The following WNK2 variants were observed in gnomAD, a reference collection of about 807,000 sequenced individuals.
WNK2 encodes the protein WNK lysine deficient protein kinase 2.
In WNK2, 67 loss-of-function variants were observed where a neutral mutation model predicts 192.1. That is an observed-to-expected ratio of 0.35 (90% CI 0.29 to 0.43). The LOEUF is 0.43. Ranked by LOEUF, WNK2 falls within the 20% of genes least tolerant of loss-of-function variation. The probability of loss-of-function intolerance (pLI) is 1.00; values close to 1 mark genes in which losing one functional copy is unlikely to be tolerated. For synonymous variants in WNK2, 1,439 were observed against 1,393.9 expected (o/e 1.03, Z -0.72); for missense variants, 2,698 against 3,089.7 (o/e 0.87, Z 3.01).
chr9:93,270,158 A>C (rs550409098), intron 19 of WNK2, among the ~76,000 whole-genome samples: 4 of 152,244 alleles, frequency 2.6e-5, no homozygotes, highest in African/African-American at 9.6e-5. Flanking sequence ...GCTGTACTGG[A>C]GAAGGAAGGA....
intron 2 of WNK2, among the ~76,000 whole-genome samples, chr9:93,188,689 T>C (rs1218330116): frequency 6.6e-6 from 1 of 152,210 alleles, no homozygotes. Flanking sequence ...ACCCCTGTAC[T>C]GTCAGACAGG....
At chr9:93,233,092 G>T (rs1264592225) in intron 4 of WNK2, among the ~76,000 whole-genome samples, 2 of 151,872 alleles carry the variant, frequency 1.3e-5, no homozygotes, top group African/African-American at 4.8e-5. Context: ...CAGCTACTTG[G>T]GAGGCTGAGG....
At chr9:93,240,553 T>G (rs1188514857) in intron 7 of WNK2, among the ~76,000 whole-genome samples, 2 of 151,878 alleles carry the variant, frequency 1.3e-5, no homozygotes, top group Non-Finnish European at 2.9e-5. Context: ...TGTGCTGGGG[T>G]GTCATCGAGG....
At chr9:93,252,145 G>A (rs1415356431) in intron 8 of WNK2, among the ~76,000 whole-genome samples, 1 of 152,178 alleles carries the variant, frequency 6.6e-6, no homozygotes, top group Non-Finnish European at 1.5e-5. Flanking sequence ...CCCCTCTGCT[G>A]GCATGACCCC....
chr9:93,294,846 T>C (rs1849978785), intron 23 of WNK2, among the ~76,000 whole-genome samples: 2 of 151,504 alleles, frequency 1.3e-5, no homozygotes, highest in Admixed American at 6.6e-5. Flanking sequence ...GAACAGGAAG[T>C]GGATGCTGGG....
In WNK2 at chr9:93,229,727, G is replaced by A. The variant is rs1838412526; in HGVS notation, c.713G>A (p.Arg238Gln). 2.5e-6 allele frequency: 4 copies of A among 1,613,328 alleles called. No individual in the cohort carries two copies. Among genetic ancestry groups the A allele is most frequent in the African/African-American group, 1.3e-5 (1 of 74,912 alleles). The change falls in exon 3 of 30, where the codon CGG becomes CAG. Residue 238 changes from arginine (R) to glutamine (Q), a missense_variant. Physicochemically the swap from Arg to Gln is conservative, Grantham distance 43. Coordinates refer to ENST00000427277, the MANE Select transcript of WNK2 (RefSeq NM_006648.4). This position sits in a 1 kb window ranked among gnomAD's most constrained non-coding sequence, Gnocchi z 4.9. ...DRKLTKLERQ[R>Q]FKEEAEMLKG... ...AAGCTCACCAAGCTGGAGCGGCAGC[G>A]GTTCAAGGAAGAGGCTGAGATGCTG... is the stretch of plus-strand genomic sequence containing the variant.
In WNK2 at chr9:93,185,123, C is replaced by T; in HGVS notation, c.194C>T (p.Pro65Leu). 6 of 1,302,916 alleles carry T rather than the reference C, an allele frequency of 4.6e-6. No homozygotes were observed. Among genetic ancestry groups the T allele is most frequent in the Non-Finnish European group, 5.9e-6 (6 of 1,020,204 alleles). The allele number at this position is 1,302,916 out of a possible 1,614,324, so 80.7% of individuals were successfully genotyped here. A position where few individuals can be genotyped will look rare whatever the true frequency, so the allele number is the denominator to read the frequency against. ...PGLEAAEAPG[P>L]QPPQPLQRRV... is the part of the protein sequence containing the mutation. ...TTGGAGGCAGCCGAGGCGCCGGGCC[C>T]GCAGCCCCCGCAGCCCCTGCAGCGC... The change falls in exon 2 of 30, where the codon CCG (proline) becomes CTG (leucine). Residue 65 changes from proline to leucine, a missense_variant. Physicochemically the swap from Pro to Leu is moderately conservative, Grantham distance 98. Transcript: ENST00000427277.
intron 25 of WNK2, 95 bp downstream of exon 25, chr9:93,299,356 C>T: frequency 7.7e-7 from 1 of 1,303,312 alleles, no homozygotes; most frequent in African/African-American, 1.5e-5. Flanking sequence ...AGAGGGGTTG[C>T]AAGCTGTGGC....
intron 19 of WNK2, among the ~76,000 whole-genome samples, chr9:93,278,173 C>T (rs1363543896): frequency 6.6e-6 from 1 of 152,046 alleles, no homozygotes; most frequent in East Asian, 1.9e-4. Context: ...AAGGAAGAGC[C>T]CAGGCAGAGC....
chr9:93,185,765 A>C (rs2398818), intron 2 of WNK2, among the ~76,000 whole-genome samples, 155 bp downstream of exon 2: 1 of 152,190 alleles, frequency 6.6e-6, no homozygotes, highest in Non-Finnish European at 1.5e-5. Context: ...GGCAGGATGC[A>C]TACCAGGTGT....
intron 2 of WNK2, among the ~76,000 whole-genome samples, chr9:93,224,805 A>T (rs1175434263): frequency 6.6e-6 from 1 of 152,198 alleles, no homozygotes; most frequent in Non-Finnish European, 1.5e-5. Flanking sequence ...GTGAGCAGCC[A>T]GGAGGCCCCC....
intron 2 of WNK2, among the ~76,000 whole-genome samples, chr9:93,186,052 T>C (rs1384974302): frequency 6.6e-6 from 1 of 152,132 alleles, no homozygotes; most frequent in African/African-American, 2.4e-5. Flanking sequence ...CAGAGTGTTT[T>C]GGGGGCTCTG....
chr9:93,272,473 C>T (rs1231692342), intron 19 of WNK2, among the ~76,000 whole-genome samples: 1 of 152,194 alleles, frequency 6.6e-6, no homozygotes, highest in Admixed American at 6.5e-5. Context: ...CATGGTGGCT[C>T]ATGACTGTAA....
Position 93,262,557 on chromosome 9 carries a change from G to A in WNK2, c.3361-113G>A, listed in dbSNP as rs75752722. ...GCAGAAGAGAGCAGGAGAACGCAGC[G>A]GGGCAGGCTGGGCTGAGGAAGTGGG... On this transcript the variant is annotated intron_variant, in intron 13 of 29. Coordinates refer to ENST00000427277, the MANE Select transcript of WNK2 (RefSeq NM_006648.4). 1,447 of 1,170,056 alleles carry A rather than the reference G, an allele frequency of 1.2e-3. 18 individuals carry two copies. In the African/African-American group the frequency reaches 0.02, roughly 16 times the overall value. The allele number at this position is 1,170,056 out of a possible 1,614,324, so 72.5% of individuals were successfully genotyped here. A position where few individuals can be genotyped will look rare whatever the true frequency, so the allele number is the denominator to read the frequency against.
chr9:93,255,591 C>T (rs1843165877), intron 9 of WNK2, among the ~76,000 whole-genome samples: 2 of 152,178 alleles, frequency 1.3e-5, no homozygotes, highest in African/African-American at 2.4e-5. Context: ...CCAGAGAACC[C>T]CACGGGAGAG....
chr9:93,196,111 G>A (rs1831233306), intron 2 of WNK2, among the ~76,000 whole-genome samples: 1 of 152,150 alleles, frequency 6.6e-6, no homozygotes. Context: ...AAGGTGTTGG[G>A]CCACCTCCTT....
In WNK2 at chr9:93,299,137, T is replaced by C; in HGVS notation, c.5991T>C (p.Thr1997=). The C allele has an allele frequency of 6.2e-7, 1 of 1,612,068 alleles. No individual in the cohort carries two copies. The highest frequency in any genetic ancestry group is 8.5e-7 in the Non-Finnish European group (1 of 1,179,630). The change falls in exon 25 of 30, where the codon ACT becomes ACC. Residue 1997 remains threonine, a synonymous_variant. Coordinates refer to ENST00000427277, the MANE Select transcript of WNK2 (RefSeq NM_006648.4). ...KDPAQASVGL[T]ADSTGLSGKA... ...CTGCCCAAGCCAGTGTGGGGCTCAC[T>C]GCAGACAGCACGGGCCTGAGCGGGA...
chr9:93,218,295 C>T (rs569976714), intron 2 of WNK2, among the ~76,000 whole-genome samples: 1 of 152,214 alleles, frequency 6.6e-6, no homozygotes, highest in Non-Finnish European at 1.5e-5. Context: ...GCTGCTAACC[C>T]TGCTGACCTG....
At position 93,185,181 on chromosome 9, in the gene WNK2, C is replaced by T; in HGVS notation, c.252C>T (p.Leu84=). ...RVLLLCKTRR[L]IAERARGRPA... ...TTCTGCTCTGCAAGACGCGCCGCCT[C>T]ATCGCGGAGCGCGCCCGCGGACGCC... is the stretch of plus-strand genomic sequence containing the variant. Residue 84 remains leucine (L), a synonymous_variant, in exon 2 of 30, where the codon CTC becomes CTT. Coordinates refer to ENST00000427277, the MANE Select transcript of WNK2 (RefSeq NM_006648.4). 3.3e-6 allele frequency: 4 copies of T among 1,195,928 alleles called. No homozygotes were observed. Among genetic ancestry groups the T allele is most frequent in the Non-Finnish European group, 4.2e-6 (4 of 962,518 alleles). The allele number at this position is 1,195,928 out of a possible 1,614,324, so 74.1% of individuals were successfully genotyped here.
Sources: allele counts gnomAD v4.1 joint callset (sites outside exome capture counted in the v4.1 genomes callset), GRCh38; gene constraint gnomAD v4.1.1; non-coding constraint Gnocchi (gnomAD v3.1); transcripts MANE v1.5; gene names NCBI Gene and HGNC (gene_info 2026-07-23, HGNC 2026-07-21).